The following USP37 variants were observed in gnomAD, a reference collection of about 807,000 sequenced individuals.
USP37 encodes ubiquitin carboxyl-terminal hydrolase 37.
USP37 carries 27 observed loss-of-function variants against 124.0 expected under a neutral mutation model. That is an observed-to-expected ratio of 0.22 (90% confidence interval 0.16 to 0.30). The LOEUF is 0.30. Ranked by LOEUF, USP37 falls within the 10% of genes least tolerant of loss-of-function variation. USP37 has a pLI of 1.00. For synonymous variants in USP37, 365 were observed against 388.0 expected, an observed-to-expected ratio of 0.94 and a Z score of 0.70; for missense variants, 889 against 1,140.4, an observed-to-expected ratio of 0.78 and a Z score of 3.17.
chr2:218,566,170 G>A (rs983353042), intron 1 of USP37, among the ~76,000 whole-genome samples: 1 of 152,232 alleles, frequency 6.6e-6, no homozygotes, highest in Non-Finnish European at 1.5e-5. Context: ...GCTTCCCTGA[G>A]AAGGTATCAC....
At chr2:218,458,676 A>T (rs1482417843) in intron 23 of USP37, among the ~76,000 whole-genome samples, 2 of 152,214 alleles carry the variant, frequency 1.3e-5, no homozygotes, top group Non-Finnish European at 2.9e-5. Context: ...AACTTAGACA[A>T]ATACTCAATG....
intron 14 of USP37, among the ~76,000 whole-genome samples, chr2:218,495,438 A>G (rs1276328328): frequency 6.6e-6 from 1 of 152,216 alleles, no homozygotes; most frequent in Non-Finnish European, 1.5e-5. Context: ...CACTGTGCCC[A>G]GCCCAAGCAT....
At chr2:218,520,714 G>GTCCA (rs1690563861) in intron 10 of USP37, among the ~76,000 whole-genome samples, 1 of 152,140 alleles carries the variant, frequency 6.6e-6, no homozygotes, top group African/African-American at 2.4e-5. Context: ...TCCAACCAAA[G>GTCCA]TCCATATATT....
intron 10 of USP37, among the ~76,000 whole-genome samples, chr2:218,518,722 C>T (rs1690431942): frequency 6.6e-6 from 1 of 152,156 alleles, no homozygotes. Context: ...ATCATTTTTC[C>T]CACCCAGGGT....
chr2:218,461,007 T>G (rs1689990345), intron 22 of USP37, among the ~76,000 whole-genome samples: 1 of 152,132 alleles, frequency 6.6e-6, no homozygotes, highest in Admixed American at 6.6e-5. Flanking sequence ...AATTCAACCT[T>G]TAACTCTTAA....
chr2:218,485,070 T>C (rs529796562), intron 16 of USP37, among the ~76,000 whole-genome samples: 8 of 152,332 alleles, frequency 5.3e-5, no homozygotes, highest in Non-Finnish European at 1.0e-4. Context: ...TATTCTTATA[T>C]ACATGTGTGT....
intron 6 of USP37, among the ~76,000 whole-genome samples, chr2:218,549,108 G>C (rs1333317021): frequency 2.0e-5 from 3 of 152,132 alleles, no homozygotes; most frequent in African/African-American, 7.2e-5. Context: ...GAAATCTCAA[G>C]AGTTATGGTT....
intron 3 of USP37, 155 bp from the exon 4 acceptor site, chr2:218,558,832 A>G: frequency 2.1e-6 from 1 of 484,796 alleles, no homozygotes; most frequent in Non-Finnish European, 3.6e-6. Context: ...TACTGTATTT[A>G]TTAGTGCCTA....
At chr2:218,527,505 G>A (rs538571761) in intron 10 of USP37, among the ~76,000 whole-genome samples, 14 of 152,198 alleles carry the variant, frequency 9.2e-5, no homozygotes, top group African/African-American at 3.1e-4. Context: ...ATTCCTTACC[G>A]CTTTAGCCTT....
intron 20 of USP37, among the ~76,000 whole-genome samples, chr2:218,467,504 A>T (rs1367701061): frequency 1.3e-5 from 2 of 152,080 alleles, no homozygotes; most frequent in Non-Finnish European, 2.9e-5. Flanking sequence ...GCACGCCACC[A>T]CGCCCGGCTA....
chr2:218,523,258 C>T (rs915466187), intron 10 of USP37, among the ~76,000 whole-genome samples: 1 of 149,806 alleles, frequency 6.7e-6, no homozygotes, highest in Non-Finnish European at 1.5e-5. Context: ...AGCGAGACTT[C>T]GTCTCAAAAA....
chr2:218,553,697 G>T lies in USP37; in HGVS notation c.184C>A (p.Leu62Ile), dbSNP rs1295501210. 1 of 1,611,412 alleles carries T rather than the reference G, an allele frequency of 6.2e-7. No homozygotes were observed. The highest frequency in any genetic ancestry group is 1.7e-5 in the Admixed American group (1 of 59,606). The change falls in exon 5 of 26, where the codon CTT becomes ATT. Residue 62 changes from leucine (L) to isoleucine (I), a missense_variant. Leu to Ile is a conservative substitution (Grantham distance 5, BLOSUM62 2). Around this residue, in one of 3 missense-constraint regions of USP37, gnomAD observed 374 missense variants for 386.0 expected, o/e 0.97. Transcript: ENST00000258399. ...QLSHNIKNVV[L>I]RPSGAKQSRL... The stretch of plus-strand genomic sequence containing the variant: ...CTTTGTTTCGCTCCACTGGGTCGAA[G>T]CACCACATTTTTAATGTTATGACTT...
intron 1 of USP37, 115 bp from the exon 2 acceptor site, chr2:218,562,928 T>A (rs1278194263): frequency 2.6e-6 from 1 of 378,932 alleles, no homozygotes; most frequent in Non-Finnish European, 4.7e-6. Context: ...CTTTGAGAGG[T>A]GGAGGCGGGC....
intron 11 of USP37, among the ~76,000 whole-genome samples, chr2:218,504,382 T>C (rs937767781): frequency 1.3e-5 from 2 of 152,238 alleles, no homozygotes; most frequent in African/African-American, 4.8e-5. Context: ...TATATTGCTG[T>C]TAACCCCTTT....
intron 20 of USP37, 141 bp downstream of exon 20, chr2:218,474,489 G>GT: frequency 2.4e-6 from 3 of 1,244,350 alleles, no homozygotes; most frequent in Non-Finnish European, 3.3e-6. Flanking sequence ...AGCCTCCCGA[G>GT]TAGCTGGGAT....
At chr2:218,485,890 T>A in intron 15 of USP37, 147 bp from the exon 16 acceptor site, 1 of 774,958 alleles carries the variant, frequency 1.3e-6, no homozygotes, top group Non-Finnish European at 2.0e-6. Flanking sequence ...GCCATGAGCC[T>A]TACCAAATTA....
chr2:218,533,094 C>T (rs1691424810), intron 9 of USP37, among the ~76,000 whole-genome samples: 3 of 152,010 alleles, frequency 2.0e-5, no homozygotes, highest in Admixed American at 2.0e-4. Context: ...TCTGGAACTA[C>T]ATCTGCAATA....
At chr2:218,465,930 T>G (rs1372870118) in intron 21 of USP37, 80 bp downstream of exon 21, 2 of 1,492,512 alleles carry the variant, frequency 1.3e-6, no homozygotes, top group African/African-American at 1.4e-5. Context: ...ACATAGTAAG[T>G]GCTCAACACA....
In USP37 at chr2:218,515,749, A is replaced by G. The variant is rs545006202; in HGVS notation, c.864-5609T>C. 5.8e-4 allele frequency among the ~76,000 whole-genome samples: 88 copies of G among 152,328 alleles called. 1 individual carries two copies. The highest frequency in any genetic ancestry group is 6.8e-3 in the Middle Eastern group (2 of 294). ...GCACAGCAAAAGAAACTATCATCAG[A>G]GTGAACAGGTAACTTACAGAACGGG... On this transcript the variant is annotated intron_variant, in intron 10 of 25. Coordinates refer to ENST00000258399, the MANE Select transcript of USP37 (RefSeq NM_020935.3).
Sources: allele counts gnomAD v4.1 joint callset (sites outside exome capture counted in the v4.1 genomes callset), GRCh38; gene constraint gnomAD v4.1.1; regional missense constraint gnomAD v4.1.1; transcripts MANE v1.5; gene names NCBI Gene and HGNC (gene_info 2026-07-23, HGNC 2026-07-21).